Variants in CSMD1 observed in about 807,000 individuals in gnomAD.
The protein encoded by CSMD1 is CUB and Sushi multiple domains 1.
Under a neutral mutation model 417.5 loss-of-function variants are expected in CSMD1, and 213 were observed. The ratio of observed to expected loss-of-function variants is 0.51; its 90% CI spans 0.46 to 0.57. CSMD1 has a LOEUF of 0.57. Ranked by LOEUF, CSMD1 falls within the 20% of genes least tolerant of loss-of-function variation. The pLI is 0.00. For synonymous variants in CSMD1, 2,862 were observed against 1,736.8 expected, an observed-to-expected ratio of 1.65 and a Z score of -16.11; for missense variants, 6,923 against 4,529.7, an observed-to-expected ratio of 1.53 and a Z score of -15.17.
chr8:3,007,573 A>C (rs1808039790), intron 52 of CSMD1, among the ~76,000 whole-genome samples: 1 of 151,472 alleles, frequency 6.6e-6, no homozygotes, highest in Non-Finnish European at 1.5e-5. Flanking sequence ...CATATACACC[A>C]TGGAATACTA....
chr8:4,738,416 C>T (rs567052019), intron 1 of CSMD1, among the ~76,000 whole-genome samples: 1 of 152,076 alleles, frequency 6.6e-6, no homozygotes. Context: ...AGGAGAAGGG[C>T]TGAGCGAAGG....
chr8:3,238,956 G>T (rs992731283), intron 26 of CSMD1, among the ~76,000 whole-genome samples: 4 of 152,150 alleles, frequency 2.6e-5, no homozygotes, highest in Admixed American at 1.3e-4. Context: ...CTAGACAGAA[G>T]ATAGTAGGGA....
At chr8:3,855,034 T>C (rs764473552) in intron 5 of CSMD1, among the ~76,000 whole-genome samples, 1 of 152,004 alleles carries the variant, frequency 6.6e-6, no homozygotes, top group South Asian at 2.1e-4. Flanking sequence ...CACAAAAACA[T>C]GCATATGCAG....
chr8:4,708,075 C>T (rs1355146269), intron 1 of CSMD1, among the ~76,000 whole-genome samples: 1 of 152,110 alleles, frequency 6.6e-6, no homozygotes, highest in Non-Finnish European at 1.5e-5. Flanking sequence ...TCTGCAGTAG[C>T]TGGGAGAACA....
intron 2 of CSMD1, among the ~76,000 whole-genome samples, chr8:4,446,153 A>C (rs1468608155): frequency 6.6e-6 from 1 of 152,210 alleles, no homozygotes; most frequent in Non-Finnish European, 1.5e-5. Flanking sequence ...TTTTGAACTG[A>C]AACCCATACT....
rs764774756 is a variant in CSMD1, at chr8:2,962,494, C to T, written c.9600G>A (p.Thr3200=). The change falls in exon 61 of 70, where the codon ACG becomes ACA. Residue 3200 remains threonine, a synonymous_variant. Coordinates refer to ENST00000635120, the MANE Select transcript of CSMD1 (RefSeq NM_033225.6). Reference sequence around the variant, plus strand: ...TGCAGGTGGGTTGTATGCCGCTCCACGTGCCGTCAGCTTGGCAGACTCTTC... The same window carrying T: ...TGCAGGTGGGTTGTATGCCGCTCCATGTGCCGTCAGCTTGGCAGACTCTTC... The part of the protein sequence containing the change: ...SSRRVCQADG[T]WSGIQPTCID... 2.4e-5 allele frequency: 39 copies of T among 1,613,766 alleles called. No individual in the cohort carries two copies. Among genetic ancestry groups the T allele is most frequent in the Middle Eastern group, 1.6e-4 (1 of 6,082 alleles).
intron 26 of CSMD1, among the ~76,000 whole-genome samples, chr8:3,270,260 G>A (rs1201055395): frequency 6.6e-6 from 1 of 151,996 alleles, no homozygotes; most frequent in East Asian, 1.9e-4. Flanking sequence ...GTATCACCAT[G>A]TTGGCCAGGC....
intron 5 of CSMD1, among the ~76,000 whole-genome samples, chr8:3,898,176 C>G (rs146050166): frequency 1.3e-5 from 2 of 152,242 alleles, no homozygotes; most frequent in African/African-American, 2.4e-5. Flanking sequence ...TCAATCCCTG[C>G]AAGCCATCCA....
intron 3 of CSMD1, among the ~76,000 whole-genome samples, chr8:4,310,277 G>A (rs540161146): frequency 2.6e-5 from 4 of 152,252 alleles, no homozygotes; most frequent in African/African-American, 7.2e-5. Flanking sequence ...TGTTATCATG[G>A]CTGCTTAGAG....
chr8:4,200,720 G>C (rs1253044991), intron 3 of CSMD1, among the ~76,000 whole-genome samples: 8 of 152,108 alleles, frequency 5.3e-5, no homozygotes, highest in African/African-American at 1.9e-4. Flanking sequence ...AAACTAGCCA[G>C]ACATGGTTGT....
chr8:4,391,989 C>T (rs922636366), intron 3 of CSMD1, among the ~76,000 whole-genome samples: 7 of 152,148 alleles, frequency 4.6e-5, no homozygotes, highest in African/African-American at 1.7e-4. Flanking sequence ...ACCTAGTCAA[C>T]ACCAAGCATC....
At chr8:4,503,171 C>G (rs756298068) in intron 2 of CSMD1, among the ~76,000 whole-genome samples, 1 of 152,108 alleles carries the variant, frequency 6.6e-6, no homozygotes, top group African/African-American at 2.4e-5. Context: ...TATATAGTCT[C>G]TCTTATCATC....
chr8:3,772,003 C>G (rs934979710), intron 5 of CSMD1, among the ~76,000 whole-genome samples: 2 of 151,896 alleles, frequency 1.3e-5, no homozygotes, highest in African/African-American at 4.8e-5. Flanking sequence ...GGTGAGAATC[C>G]ATACCCTCCT....
At chr8:3,301,415 G>A (rs1199936316) in intron 25 of CSMD1, among the ~76,000 whole-genome samples, 1 of 152,156 alleles carries the variant, frequency 6.6e-6, no homozygotes, top group Non-Finnish European at 1.5e-5. Context: ...GTCTTGACAT[G>A]TGGATATGAT....
chr8:3,291,336 C>A (rs111649900), intron 25 of CSMD1, among the ~76,000 whole-genome samples: 2,044 of 134,082 alleles, frequency 0.015, 49 homozygotes, highest in African/African-American at 0.054. Flanking sequence ...GATGCTGGCC[C>A]CATAAAATAA....
At chr8:4,333,380 C>T (rs531165058) in intron 3 of CSMD1, among the ~76,000 whole-genome samples, 5 of 152,202 alleles carry the variant, frequency 3.3e-5, no homozygotes, top group East Asian at 1.9e-4. Context: ...GCTCCAGGGA[C>T]GGCTGACAGG....
intron 2 of CSMD1, among the ~76,000 whole-genome samples, chr8:4,542,745 T>C (rs935196265): frequency 6.6e-6 from 1 of 152,112 alleles, no homozygotes. Context: ...ATGAAAAAAA[T>C]AAGTGAAAGT....
intron 41 of CSMD1, among the ~76,000 whole-genome samples, chr8:3,120,584 C>CA (rs1817141522): frequency 6.6e-6 from 1 of 152,006 alleles, no homozygotes; most frequent in Admixed American, 6.5e-5. Context: ...CTCGGTGGCT[C>CA]ATGCTTGTAA....
At chr8:4,410,539 T>C (rs542941035) in intron 3 of CSMD1, among the ~76,000 whole-genome samples, 3 of 152,342 alleles carry the variant, frequency 2.0e-5, no homozygotes, top group Non-Finnish European at 2.9e-5. Context: ...TTAGACATCA[T>C]CCACTCTCAT....
Sources: gnomAD v4.1 joint callset for allele counts (sites outside exome capture counted in the v4.1 genomes callset) on GRCh38, gnomAD v4.1.1 for gene constraint, MANE v1.5 for transcripts, NCBI Gene and HGNC (gene_info 2026-07-23, HGNC 2026-07-21) for gene names.